Variants in PDIA5 observed in about 807,000 individuals in gnomAD.
PDIA5 encodes protein disulfide-isomerase A5.
Under a neutral mutation model 77.6 loss-of-function variants are expected in PDIA5, and 58 were observed. That is an observed-to-expected ratio of 0.75 (90% confidence interval 0.61 to 0.93). The LOEUF (loss-of-function observed/expected upper bound fraction) is 0.93. Ranked by LOEUF, PDIA5 falls within the 40% of genes least tolerant of loss-of-function variation. The pLI is 0.00. For missense variants in PDIA5, 630 were observed against 647.7 expected (o/e 0.97, Z 0.30); for synonymous variants, 250 against 252.1 (o/e 0.99, Z 0.08).
At chr3:123,142,720 G>C (rs80150198) in intron 11 of PDIA5, among the ~76,000 whole-genome samples, 12,525 of 152,274 alleles carry the variant, frequency 0.082, 564 homozygotes, top group African/African-American at 0.1. Flanking sequence ...CCTCTGGGGG[G>C]GCCGAGCTCA....
At chr3:123,129,850 T>C (rs1410591839) in intron 10 of PDIA5, among the ~76,000 whole-genome samples, 1 of 152,184 alleles carries the variant, frequency 6.6e-6, no homozygotes, top group East Asian at 1.9e-4. Context: ...AGTTGGTTGT[T>C]GGCCTCTGGG....
chr3:123,077,547 CAT>C (rs995332403), intron 1 of PDIA5, among the ~76,000 whole-genome samples: 4 of 133,574 alleles, frequency 3.0e-5, no homozygotes, highest in Non-Finnish European at 1.6e-5. Flanking sequence ...ACCTCACACA[CAT>C]ACACACACAC....
At chr3:123,122,134 T>C (rs1016990115) in intron 8 of PDIA5, among the ~76,000 whole-genome samples, 1 of 152,166 alleles carries the variant, frequency 6.6e-6, no homozygotes, top group African/African-American at 2.4e-5. Flanking sequence ...AGGTAACATA[T>C]GGGCATTGAA....
chr3:123,112,539 T>C (rs1198098564), intron 7 of PDIA5, among the ~76,000 whole-genome samples: 2 of 139,620 alleles, frequency 1.4e-5, no homozygotes, highest in African/African-American at 5.3e-5. Flanking sequence ...CTATTCTTTT[T>C]TTTTTTTTTT....
chr3:123,107,089 A>G (rs778834288), intron 6 of PDIA5, among the ~76,000 whole-genome samples: 10 of 152,222 alleles, frequency 6.6e-5, no homozygotes, highest in Non-Finnish European at 1.2e-4. Context: ...AATGCATTTG[A>G]ACACGTTTAG....
intron 4 of PDIA5, 58 bp from the exon 5 acceptor site, chr3:123,102,693 A>G (rs745804602): frequency 4.4e-5 from 61 of 1,374,086 alleles, no homozygotes; most frequent in Non-Finnish European, 6.0e-5. Flanking sequence ...AGGAAACCAA[A>G]GGTATGTATC....
chr3:123,117,354 T>G (rs1392924779), intron 8 of PDIA5, among the ~76,000 whole-genome samples: 1 of 104,130 alleles, frequency 9.6e-6, no homozygotes, highest in Non-Finnish European at 2.0e-5. Flanking sequence ...ACTGCCTTTC[T>G]ACTTTCTGTT....
At chr3:123,069,151 G>A (rs1327407587) in intron 1 of PDIA5, among the ~76,000 whole-genome samples, 1 of 152,190 alleles carries the variant, frequency 6.6e-6, no homozygotes, top group Non-Finnish European at 1.5e-5. Flanking sequence ...AGTGATTGCT[G>A]GACAGCGCGT....
Position 123,123,329 on chromosome 3 carries a change from G to C in PDIA5, c.610-737G>C, listed in dbSNP as rs188054839. ...ACCCAGCTACTAAAATACTCTTTCT[G>C]ATTCAGGGATAGTGGACATGTGGAC... On this transcript the variant is annotated intron_variant, in intron 8 of 16. Transcript: ENST00000316218. 2.2e-4 allele frequency among the ~76,000 whole-genome samples: 33 copies of C among 152,288 alleles called. No individual in the cohort carries two copies. The East Asian group carries it at 6.2e-3, about 29-fold the overall frequency.
intron 1 of PDIA5, among the ~76,000 whole-genome samples, chr3:123,077,433 TC>T (rs1366858687): frequency 6.6e-6 from 1 of 152,132 alleles, no homozygotes; most frequent in Non-Finnish European, 1.5e-5. Context: ...TGGGTTCTGT[TC>T]CTTGCCAGGT....
chr3:123,154,997 C>A lies in PDIA5; in HGVS notation c.1300C>A (p.Pro434Thr). ...PWCPHCKKVI[P>T]HFTATADAFK... Reference sequence around the variant, plus strand: ...GTGCCCACACTGTAAGAAGGTCATTCCGCACTTTACTGCTACTGCTGATGC... The same window carrying A: ...GTGCCCACACTGTAAGAAGGTCATTACGCACTTTACTGCTACTGCTGATGC... The change falls in exon 15 of 17, where the codon CCG becomes ACG. Residue 434 changes from proline to threonine, a missense_variant. Transcript: ENST00000316218. 6.2e-7 allele frequency: 1 copy of A among 1,612,590 alleles called. No homozygotes were observed. The highest frequency in any genetic ancestry group is 1.7e-5 in the Admixed American group (1 of 60,032).
chr3:123,093,869 C>T (rs1934362590), intron 3 of PDIA5, among the ~76,000 whole-genome samples: 1 of 152,208 alleles, frequency 6.6e-6, no homozygotes, highest in South Asian at 2.1e-4. Flanking sequence ...CACGCGCTCA[C>T]AGTGCCCTGG....
At chr3:123,154,729 C>T (rs1049925255) in intron 14 of PDIA5, among the ~76,000 whole-genome samples, 3 of 152,206 alleles carry the variant, frequency 2.0e-5, no homozygotes, top group African/African-American at 4.8e-5. Context: ...CATCGCCCCC[C>T]AGCCTGGGCA....
At chr3:123,102,006 T>C (rs887790553) in intron 3 of PDIA5, among the ~76,000 whole-genome samples, 2 of 144,408 alleles carry the variant, frequency 1.4e-5, no homozygotes, top group African/African-American at 2.5e-5. Context: ...GCCTCCTGGG[T>C]TCAAGCGATT....
Position 123,103,184 on chromosome 3 carries a change from A to G in PDIA5, c.387+388A>G, listed in dbSNP as rs1934646202. Among the ~76,000 whole-genome samples the G allele has an allele frequency of 2.0e-5, 3 of 152,188 alleles. No individual in the cohort carries two copies. The South Asian group carries it at 6.2e-4, about 32-fold the overall frequency. ...CAGGGTATTGCACATGGGCAGGTTG[A>G]CACCTTTGGGCTGATGCAGCTTGTT... is the stretch of plus-strand genomic sequence containing the variant. On this transcript the variant is annotated intron_variant, in intron 5 of 16. Coordinates refer to ENST00000316218, the MANE Select transcript of PDIA5 (RefSeq NM_006810.4).
chr3:123,129,225 T>A (rs1560538785), intron 10 of PDIA5, among the ~76,000 whole-genome samples: 1 of 152,262 alleles, frequency 6.6e-6, no homozygotes, highest in African/African-American at 2.4e-5. Flanking sequence ...TCTAGGACCA[T>A]TGTCTGGCTG....
chr3:123,089,636 C>T (rs968399574), intron 2 of PDIA5, among the ~76,000 whole-genome samples: 1 of 152,268 alleles, frequency 6.6e-6, no homozygotes, highest in Non-Finnish European at 1.5e-5. Flanking sequence ...CCTGCACAGG[C>T]ATGGGGCCGA....
In PDIA5 at chr3:123,150,270, A is replaced by G; in HGVS notation, c.1179A>G (p.Glu393=). The change falls in exon 14 of 17, where the codon GAA becomes GAG. Residue 393 remains glutamate (E), a synonymous_variant. Transcript: ENST00000316218. The part of the protein sequence containing the change: ...EAPPPPEPTW[E]EQQTSVLHLV... ...CCCCGCCCCCAGAGCCCACGTGGGA[A>G]GAGCAGCAGACAAGCGTGTTGCACC... The G allele has an allele frequency of 6.2e-7, 1 of 1,613,438 alleles. No individual in the cohort carries two copies.
At chr3:123,082,943 T>C (rs1261739939) in intron 1 of PDIA5, among the ~76,000 whole-genome samples, 4 of 152,098 alleles carry the variant, frequency 2.6e-5, no homozygotes, top group African/African-American at 9.7e-5. Context: ...TTCTGTGGTG[T>C]CTGGAAGACT....
Sources: allele counts gnomAD v4.1 joint callset (sites outside exome capture counted in the v4.1 genomes callset), GRCh38; gene constraint gnomAD v4.1.1; transcripts MANE v1.5; gene names NCBI Gene and HGNC (gene_info 2026-07-23, HGNC 2026-07-21).